Variants in TECPR2 observed in about 807,000 individuals in gnomAD.
The protein encoded by TECPR2 is tectonin beta-propeller repeat containing 2.
Under a neutral mutation model 138.1 loss-of-function variants are expected in TECPR2, and 65 were observed. That is an observed-to-expected ratio of 0.47 (90% CI 0.39 to 0.58). The LOEUF (loss-of-function observed/expected upper bound fraction) is 0.58, where lower values mean the gene tolerates loss of function less well. Ranked by LOEUF, TECPR2 falls within the 20% of genes least tolerant of loss-of-function variation. The pLI is 0.00. For synonymous variants in TECPR2, 746 were observed against 749.8 expected, an observed-to-expected ratio of 0.99 and a Z score of 0.08; for missense variants, 1,553 against 1,824.5, an observed-to-expected ratio of 0.85 and a Z score of 2.71.
chr14:102,410,132 G>T (rs952800339), intron 4 of TECPR2, among the ~76,000 whole-genome samples: 1 of 152,098 alleles, frequency 6.6e-6, no homozygotes, highest in Non-Finnish European at 1.5e-5. Flanking sequence ...ATTTTACTTT[G>T]AAATAATAAA....
At chr14:102,482,701 GTCTT>G (rs1270532716) in intron 17 of TECPR2, among the ~76,000 whole-genome samples, 4 of 152,188 alleles carry the variant, frequency 2.6e-5, no homozygotes, top group African/African-American at 9.7e-5. Flanking sequence ...TGTCTGAAAA[GTCTT>G]TCATCTGTGT....
intron 6 of TECPR2, 27 bp from the exon 7 acceptor site, chr14:102,428,215 GTTTTTTGT>G (rs1169813920): frequency 3.0e-5 from 39 of 1,309,862 alleles, no homozygotes; most frequent in Middle Eastern, 2.1e-4. Context: ...TTAGTTTTGT[GTTTTTTGT>G]TTTTTTTTTT....
intron 18 of TECPR2, 22 bp downstream of exon 18, chr14:102,497,142 C>A (rs745512931): frequency 1.2e-6 from 2 of 1,604,858 alleles, no homozygotes; most frequent in Non-Finnish European, 1.7e-6. Flanking sequence ...CAGACAGGGC[C>A]TGTGGTGCCG....
At chr14:102,391,860 G>A (rs1420165299) in intron 2 of TECPR2, among the ~76,000 whole-genome samples, 1 of 152,174 alleles carries the variant, frequency 6.6e-6, no homozygotes, top group African/African-American at 2.4e-5. Flanking sequence ...TTATGAAAAA[G>A]TTGAGCTTCT....
At position 102,393,482 on chromosome 14, in the gene TECPR2, A is replaced by G. The variant is rs141975390; in HGVS notation, c.220-13856A>G. 1.1e-3 allele frequency among the ~76,000 whole-genome samples: 167 copies of G among 152,340 alleles called. 1 individual carries two copies. The highest frequency in any genetic ancestry group is 1.8e-3 in the Non-Finnish European group (123 of 68,040). ...GCTCATTGGTTACATTACAAAGGAC[A>G]CTGATACATTACAAAGCACACATAC... On this transcript the variant is annotated intron_variant, in intron 2 of 19. Transcript: ENST00000359520.
chr14:102,413,754 C>T (rs1217165188), intron 4 of TECPR2, among the ~76,000 whole-genome samples: 9 of 151,864 alleles, frequency 5.9e-5, no homozygotes, highest in African/African-American at 1.9e-4. Flanking sequence ...TGTTAGCAGT[C>T]GTATGCCTTC....
At chr14:102,482,061 T>C (rs1489512688) in intron 17 of TECPR2, among the ~76,000 whole-genome samples, 1 of 152,130 alleles carries the variant, frequency 6.6e-6, no homozygotes, top group Non-Finnish European at 1.5e-5. Flanking sequence ...TTTTTCTTTT[T>C]TTTTTTGAGA....
intron 6 of TECPR2, among the ~76,000 whole-genome samples, chr14:102,427,708 G>C (rs1368503019): frequency 6.6e-6 from 1 of 152,182 alleles, no homozygotes; most frequent in Non-Finnish European, 1.5e-5. Context: ...CTGCAGGAAT[G>C]CACACAGTAG....
In TECPR2 at chr14:102,497,653, G is replaced by A. The variant is rs573657654; in HGVS notation, c.4015G>A (p.Val1339Ile). ...PNGDLARRYG[V>I]TDKNPAGDYW... The stretch of plus-strand genomic sequence containing the variant: ...CGGAGACCTCGCCCGGCGGTACGGC[G>A]TCACAGACAAGAACCCCGCCGGGGA... The change falls in exon 19 of 20, where the codon GTC becomes ATC. Residue 1339 changes from valine to isoleucine, a missense_variant. By Grantham distance (29) the Val-to-Ile change is conservative. Coordinates refer to ENST00000359520, the MANE Select transcript of TECPR2 (RefSeq NM_014844.5). 120 of 1,608,824 alleles carry A rather than the reference G, an allele frequency of 7.5e-5. No individual in the cohort carries two copies. The South Asian group carries it at 1.0e-3, about 14-fold the overall frequency.
intron 2 of TECPR2, among the ~76,000 whole-genome samples, chr14:102,390,423 A>T (rs1466116231): frequency 1.3e-5 from 2 of 152,210 alleles, no homozygotes; most frequent in Non-Finnish European, 2.9e-5. Context: ...AGGAGAGTTA[A>T]ACACAATAGA....
chr14:102,395,942 TG>T (rs1888303167), intron 2 of TECPR2, among the ~76,000 whole-genome samples: 2 of 152,122 alleles, frequency 1.3e-5, no homozygotes, highest in Admixed American at 1.3e-4. Context: ...GCAAAACCTG[TG>T]GGGCAGGTAG....
intron 2 of TECPR2, among the ~76,000 whole-genome samples, chr14:102,396,222 C>T (rs2139680296): frequency 6.6e-6 from 1 of 151,990 alleles, no homozygotes; most frequent in Non-Finnish European, 1.5e-5. Flanking sequence ...CCTGCCTCAG[C>T]CTCCCGAACA....
At chr14:102,411,917 G>GT (rs1217981524) in intron 4 of TECPR2, among the ~76,000 whole-genome samples, 3 of 151,900 alleles carry the variant, frequency 2.0e-5, no homozygotes, top group Non-Finnish European at 4.4e-5. Flanking sequence ...GCAAATGGTA[G>GT]TTGCTTTAAA....
intron 12 of TECPR2, among the ~76,000 whole-genome samples, chr14:102,444,686 A>G (rs1320333477): frequency 2.0e-5 from 3 of 152,180 alleles, no homozygotes; most frequent in African/African-American, 4.8e-5. Flanking sequence ...ATTAAGAGCC[A>G]GAATGGTCCA....
In TECPR2 at chr14:102,434,879, G is replaced by A. The variant is rs144300811; in HGVS notation, c.2062G>A (p.Glu688Lys). The change falls in exon 9 of 20, where the codon GAG becomes AAG. Residue 688 changes from glutamate to lysine, a missense_variant. Coordinates refer to ENST00000359520, the MANE Select transcript of TECPR2 (RefSeq NM_014844.5). Reference sequence around the variant, plus strand: ...AGAGCAGGACATCCTAACCAGCATGGAGGCCTCTGGCCACCTCAGCACAAA... The same window carrying A: ...AGAGCAGGACATCCTAACCAGCATGAAGGCCTCTGGCCACCTCAGCACAAA... ...SQEQDILTSMEASGHLSTNLW... is the reference protein window; with the variant it reads ...SQEQDILTSMKASGHLSTNLW... 7 of 1,613,690 alleles carry A rather than the reference G, an allele frequency of 4.3e-6. No homozygotes were observed. The East Asian group carries it at 1.6e-4, about 36-fold the overall frequency.
chr14:102,380,924 C>T (rs765522895), intron 2 of TECPR2, among the ~76,000 whole-genome samples: 38 of 151,204 alleles, frequency 2.5e-4, no homozygotes, highest in Non-Finnish European at 5.6e-4. Context: ...GTGATCTGCC[C>T]GCCTCGGCCT....
chr14:102,462,952 T>C (rs1890443822), intron 16 of TECPR2, among the ~76,000 whole-genome samples: 1 of 152,112 alleles, frequency 6.6e-6, no homozygotes, highest in Non-Finnish European at 1.5e-5. Context: ...ATTAAAAGAT[T>C]CCCAGCATCA....
Position 102,395,795 on chromosome 14 carries a change from C to T in TECPR2, c.220-11543C>T, listed in dbSNP as rs528194755. Among the ~76,000 whole-genome samples, 4 of 152,274 alleles carry T rather than the reference C, an allele frequency of 2.6e-5. No homozygotes were observed. In the South Asian group the frequency reaches 8.3e-4, roughly 32 times the overall value. ...CCTGGGCGACAGAGCGAGACTCTGT[C>T]TCCAAAAAACTAAACTAAACTAAAC... On this transcript the variant is annotated intron_variant, in intron 2 of 19. Transcript: ENST00000359520.
intron 8 of TECPR2, 72 bp downstream of exon 8, chr14:102,432,200 C>G (rs2139727422): frequency 7.2e-7 from 1 of 1,382,822 alleles, no homozygotes; most frequent in Non-Finnish European, 9.5e-7. Flanking sequence ...TGCTGCTGCT[C>G]ACTGAGTGAG....
Sources: allele counts gnomAD v4.1 joint callset (sites outside exome capture counted in the v4.1 genomes callset), GRCh38; gene constraint gnomAD v4.1.1; transcripts MANE v1.5; gene names NCBI Gene and HGNC (gene_info 2026-07-23, HGNC 2026-07-21).